ARG2: variants seen among roughly 807,000 people sequenced by gnomAD.
ARG2 encodes arginase-2, mitochondrial.
A neutral mutation model predicts 39.4 loss-of-function variants in ARG2; 21 were observed. The ratio of observed to expected loss-of-function variants is 0.53; its 90% CI spans 0.38 to 0.77. The LOEUF (loss-of-function observed/expected upper bound fraction) is 0.77. ARG2 is among the 30% of genes least tolerant of loss of function. The probability of loss-of-function intolerance (pLI) is 0.00; values close to 1 mark genes in which losing one functional copy is unlikely to be tolerated. For synonymous variants in ARG2, 150 were observed against 156.7 expected, an observed-to-expected ratio of 0.96 and a Z score of 0.32; for missense variants, 378 against 426.2, an observed-to-expected ratio of 0.89 and a Z score of 1.00.
At chr14:67,640,094 C>CA (rs774724862) in intron 2 of ARG2, among the ~76,000 whole-genome samples, 9 of 152,020 alleles carry the variant, frequency 5.9e-5, no homozygotes, top group Non-Finnish European at 1.0e-4. Flanking sequence ...TGACTTTACT[C>CA]AAACCTTTTT....
chr14:67,645,042 G>T (rs2037079244), intron 3 of ARG2, among the ~76,000 whole-genome samples: 1 of 151,732 alleles, frequency 6.6e-6, no homozygotes, highest in East Asian at 1.9e-4. Context: ...TATATATAAG[G>T]TAACATGCAA....
chr14:67,620,606 A>T (rs1212819449), intron 1 of ARG2, among the ~76,000 whole-genome samples: 1 of 152,148 alleles, frequency 6.6e-6, no homozygotes, highest in Non-Finnish European at 1.5e-5. Flanking sequence ...CAATGAAGGA[A>T]ACCTGCAGTC....
chr14:67,623,533 C>T (rs1416999608), intron 2 of ARG2, among the ~76,000 whole-genome samples: 3 of 120,080 alleles, frequency 2.5e-5, no homozygotes, highest in East Asian at 4.8e-4. Flanking sequence ...TCTCAGGTAA[C>T]CTTTTTTTTT....
intron 6 of ARG2, 73 bp from the exon 7 acceptor site, chr14:67,647,974 T>C (rs2037122249): frequency 7.0e-7 from 1 of 1,422,064 alleles, no homozygotes; most frequent in African/African-American, 1.4e-5. Context: ...GTTGCAACCA[T>C]AAGAAGGATG....
intron 2 of ARG2, among the ~76,000 whole-genome samples, chr14:67,625,792 G>A (rs939951614): frequency 1.4e-5 from 2 of 146,290 alleles, no homozygotes; most frequent in Non-Finnish European, 3.0e-5. Context: ...CAAAATATTT[G>A]CAAATCATAT....
At chr14:67,620,382 G>C (rs2036796686) in intron 1 of ARG2, among the ~76,000 whole-genome samples, 1 of 152,108 alleles carries the variant, frequency 6.6e-6, no homozygotes, top group South Asian at 2.1e-4. Flanking sequence ...TGGGGTAATG[G>C]AGGGGAGAGA....
intron 2 of ARG2, among the ~76,000 whole-genome samples, chr14:67,633,172 T>G (rs974204729): frequency 2.0e-5 from 3 of 152,232 alleles, no homozygotes; most frequent in African/African-American, 7.2e-5. Flanking sequence ...TAAGTTACAC[T>G]TTTTAGGTTT....
rs773405238 is a variant in ARG2, at chr14:67,645,767, C to A, written c.487C>A (p.Pro163Thr). Residue 163 changes from proline (P) to threonine (T), a missense_variant, in exon 4 of 8, where the codon CCA (proline) becomes ACA (threonine). Coordinates refer to ENST00000261783, the MANE Select transcript of ARG2 (RefSeq NM_001172.4). ...TTSSGNLHGQ[P>T]VSFLLRELQD... ...TTCATCAGGAAATCTCCATGGACAG[C>A]CAGTTTCATTTCTCCTCAGAGAACT... The A allele has an allele frequency of 5.6e-6, 9 of 1,613,874 alleles. No homozygotes were observed. In the Admixed American group the frequency reaches 1.5e-4, roughly 27 times the overall value.
At chr14:67,621,391 A>G (rs1360999175) in intron 2 of ARG2, among the ~76,000 whole-genome samples, 1 of 152,004 alleles carries the variant, frequency 6.6e-6, no homozygotes, top group African/African-American at 2.4e-5. Flanking sequence ...GCAGTAATAT[A>G]GGTCTTATAG....
rs919387509 is a variant in ARG2, at chr14:67,635,858, AT to A, written c.185-6320del. 9.5e-4 allele frequency among the ~76,000 whole-genome samples: 145 copies of A among 152,234 alleles called. 1 individual carries two copies. Among genetic ancestry groups the A allele is most frequent in the Non-Finnish European group, 1.6e-3 (107 of 68,012 alleles). On this transcript the variant is annotated intron_variant, in intron 2 of 7. Transcript: ENST00000261783. ...AAGAGCAAAACTTCATCTAAAAAAA[AT>A]TTTTTTTAAATTTTAAATTAATTTC...
rs759202982 is a variant in ARG2 at position 67,646,985 on chromosome 14, CAGA to C, written c.685_687del (p.Lys229del). ...GAGAGATATTGATCGACTTGGTATC[CAGA>C]AGGTCATGGAACGAACATTTGATCT... is the stretch of plus-strand genomic sequence containing the variant. On this transcript the variant is annotated inframe_deletion, in exon 6 of 8. Transcript: ENST00000261783. The C allele has an allele frequency of 6.2e-7, 1 of 1,612,992 alleles. No homozygotes were observed. Among genetic ancestry groups the C allele is most frequent in the Non-Finnish European group, 8.5e-7 (1 of 1,179,238 alleles).
At chr14:67,633,022 A>G (rs1040600510) in intron 2 of ARG2, among the ~76,000 whole-genome samples, 15 of 151,550 alleles carry the variant, frequency 9.9e-5, no homozygotes, top group East Asian at 1.9e-4. Context: ...GTGTTTCACC[A>G]TGTTAGCCAG....
chr14:67,641,591 T>C (rs533533414), intron 2 of ARG2, among the ~76,000 whole-genome samples: 3 of 152,330 alleles, frequency 2.0e-5, no homozygotes, highest in Admixed American at 6.5e-5. Context: ...AATCAATAAA[T>C]ATTAGATATT....
intron 7 of ARG2, 101 bp downstream of exon 7, chr14:67,648,284 A>T: frequency 7.3e-7 from 1 of 1,364,428 alleles, no homozygotes; most frequent in Non-Finnish European, 9.9e-7. Flanking sequence ...ATCATTGCAG[A>T]GTTTGTTTTT....
chr14:67,623,477 G>A (rs1318278428), intron 2 of ARG2, among the ~76,000 whole-genome samples: 1 of 151,142 alleles, frequency 6.6e-6, no homozygotes, highest in East Asian at 1.9e-4. Flanking sequence ...CTTAGTGTCT[G>A]GGCTTGTTTT....
chr14:67,650,004 G>C (rs997387643), intron 7 of ARG2: 1 of 152,264 alleles, frequency 6.6e-6, no homozygotes, highest in Non-Finnish European at 1.5e-5. Flanking sequence ...ACACTACCGA[G>C]AACTTTGACA....
At chr14:67,641,532 A>AATT (rs2037030730) in intron 2 of ARG2, among the ~76,000 whole-genome samples, 1 of 152,240 alleles carries the variant, frequency 6.6e-6, no homozygotes, top group Non-Finnish European at 1.5e-5. Flanking sequence ...TGAGTCTTAA[A>AATT]TAAGAATTTA....
Position 67,650,689 on chromosome 14 carries a change from G to A in ARG2, c.860-26G>A, listed in dbSNP as rs770469440. 1.2e-5 allele frequency: 19 copies of A among 1,610,194 alleles called. No individual in the cohort carries two copies. In the East Asian group the frequency reaches 2.7e-4, roughly 23 times the overall value. On this transcript the variant is annotated intron_variant, in intron 7 of 7. Transcript: ENST00000261783. ...TGAGAGTAGCAGCAAGGGAACCTGAGGTTTTGTCACACTTTGTTCTTCCAG... is the reference window on the plus strand; with the variant it reads ...TGAGAGTAGCAGCAAGGGAACCTGAAGTTTTGTCACACTTTGTTCTTCCAG...
intron 3 of ARG2, among the ~76,000 whole-genome samples, chr14:67,644,134 G>C (rs1359481071): frequency 6.6e-6 from 1 of 152,178 alleles, no homozygotes; most frequent in African/African-American, 2.4e-5. Context: ...CTGCTTACCA[G>C]CTCAATGTTA....
Sources: gnomAD v4.1 joint callset for allele counts (sites outside exome capture counted in the v4.1 genomes callset) on GRCh38, gnomAD v4.1.1 for gene constraint, MANE v1.5 for transcripts, NCBI Gene and HGNC (gene_info 2026-07-23, HGNC 2026-07-21) for gene names.